The following SLC4A10 variants were observed in gnomAD, a reference collection of about 807,000 sequenced individuals.
SLC4A10 encodes solute carrier family 4 member 10, also known as sodium-driven chloride bicarbonate exchanger.
In SLC4A10, 42 loss-of-function variants were observed where a neutral mutation model predicts 137.7. The observed-to-expected ratio is 0.30, with a 90% CI of 0.24 to 0.39. The LOEUF (loss-of-function observed/expected upper bound fraction) is 0.39. Ranked by LOEUF, SLC4A10 falls within the 10% of genes least tolerant of loss-of-function variation. SLC4A10 has a pLI of 1.00. For missense variants in SLC4A10, 925 were observed against 1,355.0 expected, an observed-to-expected ratio of 0.68 and a Z score of 4.98; for synonymous variants, 474 against 464.1, an observed-to-expected ratio of 1.02 and a Z score of -0.27.
chr2:161,962,934 AAGTT>A (rs1195806452), intron 21 of SLC4A10, among the ~76,000 whole-genome samples: 3 of 152,156 alleles, frequency 2.0e-5, no homozygotes, highest in Admixed American at 6.5e-5. Context: ...TTTTTAAAAT[AAGTT>A]AGTTAAGAAA....
At chr2:161,675,281 A>C (rs566215220) in intron 1 of SLC4A10, among the ~76,000 whole-genome samples, 4 of 152,118 alleles carry the variant, frequency 2.6e-5, no homozygotes, top group Non-Finnish European at 5.9e-5. Context: ...TTATTCTCCA[A>C]AGATGCCACG....
At chr2:161,860,261 A>T (rs1420197241) in intron 5 of SLC4A10, among the ~76,000 whole-genome samples, 1 of 152,210 alleles carries the variant, frequency 6.6e-6, no homozygotes, top group Non-Finnish European at 1.5e-5. Context: ...TTTTCTTTAC[A>T]TAACTGTTTC....
Position 161,947,700 on chromosome 2 carries a change from C to G in SLC4A10, c.2238C>G (p.Phe746Leu), listed in dbSNP as rs770016661. 6.2e-7 allele frequency: 1 copy of G among 1,612,784 alleles called. No individual in the cohort carries two copies. Among genetic ancestry groups the G allele is most frequent in the Non-Finnish European group, 8.5e-7 (1 of 1,179,208 alleles). ...TVTLSATLKQ[F>L]KTSRYFPTKV... Reference sequence around the variant, plus strand: ...CTCTGTCAGCCACCCTGAAGCAGTTCAAGACTAGCAGATATTTTCCAACCA... The same window carrying G: ...CTCTGTCAGCCACCCTGAAGCAGTTGAAGACTAGCAGATATTTTCCAACCA... The change falls in exon 17 of 27, where the codon TTC becomes TTG. Residue 746 changes from phenylalanine (F) to leucine (L), a missense_variant. Physicochemically the swap from Phe to Leu is conservative, Grantham distance 22. Transcript: ENST00000446997.
chr2:161,737,785 T>C (rs2047495779), intron 1 of SLC4A10, among the ~76,000 whole-genome samples: 1 of 152,184 alleles, frequency 6.6e-6, no homozygotes, highest in Admixed American at 6.5e-5. Flanking sequence ...TAGAGTTCTT[T>C]AGAAATAAGG....
In SLC4A10 at chr2:161,854,896, C is replaced by T. The variant is rs886349616; in HGVS notation, c.417-74C>T. On this transcript the variant is annotated intron_variant, in intron 4 of 26. Coordinates refer to ENST00000446997, the MANE Select transcript of SLC4A10 (RefSeq NM_001178015.2). ...AATATGACTATTTTTCTATTTCAAC[C>T]TTTTATTTTTGGTATAAAGGATCAT... 12 of 1,378,536 alleles carry T rather than the reference C, an allele frequency of 8.7e-6. No individual in the cohort carries two copies. In the East Asian group the frequency reaches 2.9e-4, roughly 33 times the overall value. The allele number at this position is 1,378,536 out of a possible 1,614,324, so 85.4% of individuals were successfully genotyped here.
At chr2:161,718,784 G>A (rs1162088972) in intron 1 of SLC4A10, among the ~76,000 whole-genome samples, 1 of 152,100 alleles carries the variant, frequency 6.6e-6, no homozygotes, top group African/African-American at 2.4e-5. Flanking sequence ...GTTTTTGGGT[G>A]GAAAGATCTG....
At chr2:161,660,561 T>TTTCTTTCTTTCTTTCTTTCC (rs1389104813) in intron 1 of SLC4A10, among the ~76,000 whole-genome samples, 12 of 46,760 alleles carry the variant, frequency 2.6e-4, no homozygotes, top group African/African-American at 7.8e-4. Context: ...TCTATATTTC[T>TTTCTTTCTTTCTTTCTTTCC]TTCTTTCTTT....
rs115368034 is a variant in SLC4A10, at chr2:161,738,734, C to A, written c.49-32239C>A. ...CATTCCTTTACCCTCAGCTTCTATT[C>A]TTTTTTCTCTTCATTTGTAGCCAAA... is the stretch of plus-strand genomic sequence containing the variant. On this transcript the variant is annotated intron_variant, in intron 1 of 26. Transcript: ENST00000446997. Among the ~76,000 whole-genome samples the A allele has an allele frequency of 8.1e-3, 1,240 of 152,248 alleles. 14 individuals are homozygous for A. The highest frequency in any genetic ancestry group is 0.028 in the African/African-American group (1,173 of 41,554).
intron 3 of SLC4A10, among the ~76,000 whole-genome samples, chr2:161,828,489 A>G (rs2058176444): frequency 2.0e-5 from 3 of 149,908 alleles, no homozygotes; most frequent in African/African-American, 7.3e-5. Flanking sequence ...AATGTTATAT[A>G]TCTCTATATA....
intron 1 of SLC4A10, among the ~76,000 whole-genome samples, chr2:161,709,158 C>T (rs1056640752): frequency 6.6e-6 from 1 of 151,400 alleles, no homozygotes; most frequent in African/African-American, 2.4e-5. Context: ...TGAATAGAGT[C>T]AATCTTTATA....
At chr2:161,737,818 C>A (rs2047498721) in intron 1 of SLC4A10, among the ~76,000 whole-genome samples, 1 of 152,018 alleles carries the variant, frequency 6.6e-6, no homozygotes, top group South Asian at 2.1e-4. Context: ...GTTCTCAGAT[C>A]TCCTTGATCT....
At chr2:161,921,151 C>T (rs137926702) in intron 15 of SLC4A10, among the ~76,000 whole-genome samples, 155 of 152,226 alleles carry the variant, frequency 1.0e-3, no homozygotes, top group African/African-American at 3.3e-3. Context: ...AAAAAGGAAA[C>T]CTGAACTTAT....
intron 15 of SLC4A10, among the ~76,000 whole-genome samples, chr2:161,909,193 T>G (rs1383349722): frequency 6.6e-6 from 1 of 151,706 alleles, no homozygotes; most frequent in African/African-American, 2.4e-5. Flanking sequence ...GTAACAAACC[T>G]GCACATTGTG....
At chr2:161,944,254 G>T (rs777001849) in intron 16 of SLC4A10, among the ~76,000 whole-genome samples, 2 of 151,688 alleles carry the variant, frequency 1.3e-5, no homozygotes, top group Non-Finnish European at 2.9e-5. Context: ...AATCATTAGT[G>T]GGTCTTCTGT....
intron 5 of SLC4A10, among the ~76,000 whole-genome samples, chr2:161,855,335 C>T (rs1312376000): frequency 1.3e-5 from 2 of 152,064 alleles, no homozygotes; most frequent in African/African-American, 4.8e-5. Flanking sequence ...TTTGGCAGTG[C>T]CAAGTCTAGG....
At chr2:161,767,545 C>A (rs192250997) in intron 1 of SLC4A10, among the ~76,000 whole-genome samples, 44 of 151,838 alleles carry the variant, frequency 2.9e-4, no homozygotes, top group Middle Eastern at 6.8e-3. Context: ...GTGGAACTTG[C>A]TATACTCTGC....
chr2:161,828,949 T>C (rs2058237392), intron 3 of SLC4A10, among the ~76,000 whole-genome samples: 1 of 150,110 alleles, frequency 6.7e-6, no homozygotes, highest in African/African-American at 2.5e-5. Context: ...ATAATTCTAT[T>C]AGAATTATTC....
At chr2:161,731,796 A>T (rs1018640749) in intron 1 of SLC4A10, among the ~76,000 whole-genome samples, 1 of 152,166 alleles carries the variant, frequency 6.6e-6, no homozygotes, top group Non-Finnish European at 1.5e-5. Context: ...TCTTATTTTT[A>T]AATTTTTTAC....
chr2:161,739,397 A>G (rs1273744619), intron 1 of SLC4A10, among the ~76,000 whole-genome samples: 1 of 152,076 alleles, frequency 6.6e-6, no homozygotes, highest in Non-Finnish European at 1.5e-5. Flanking sequence ...TCACTTCTCT[A>G]TCAAACTACT....
Sources: gnomAD v4.1 joint callset for allele counts (sites outside exome capture counted in the v4.1 genomes callset) on GRCh38, gnomAD v4.1.1 for gene constraint, MANE v1.5 for transcripts, NCBI Gene and HGNC (gene_info 2026-07-23, HGNC 2026-07-21) for gene names.